The following PARM1 variants were observed in gnomAD, a reference collection of about 807,000 sequenced individuals.
The protein encoded by PARM1 is prostate androgen-regulated mucin-like protein 1.
In PARM1, 14 loss-of-function variants were observed where a neutral mutation model predicts 24.6. The observed-to-expected ratio is 0.57, with a 90% CI of 0.38 to 0.89. PARM1 has a LOEUF of 0.89. PARM1 is among the 40% of genes least tolerant of loss of function. The probability of loss-of-function intolerance (pLI) is 0.00; values close to 1 mark genes in which losing one functional copy is unlikely to be tolerated. For missense variants in PARM1, 362 were observed against 380.4 expected, an observed-to-expected ratio of 0.95 and a Z score of 0.40; for synonymous variants, 179 against 156.6, an observed-to-expected ratio of 1.14 and a Z score of -1.07.
chr4:75,026,782 A>G (rs999401888), intron 2 of PARM1, among the ~76,000 whole-genome samples: 2 of 152,208 alleles, frequency 1.3e-5, no homozygotes, highest in African/African-American at 4.8e-5. Context: ...CGAATCCATA[A>G]AATGAAGACA....
intron 1 of PARM1, among the ~76,000 whole-genome samples, chr4:74,983,087 T>C (rs1722289702): frequency 6.6e-6 from 1 of 152,132 alleles, no homozygotes; most frequent in Non-Finnish European, 1.5e-5. Context: ...TATACTAAGT[T>C]AGAGGGAAAA....
intron 1 of PARM1, among the ~76,000 whole-genome samples, chr4:74,986,603 A>G (rs909440505): frequency 1.3e-5 from 2 of 152,196 alleles, no homozygotes; most frequent in Non-Finnish European, 2.9e-5. Context: ...CAGCAATGAG[A>G]GCACATACAC....
intron 3 of PARM1, 126 bp from the exon 4 acceptor site, chr4:75,046,037 T>A (rs1723594427): frequency 1.6e-6 from 1 of 642,126 alleles, no homozygotes; most frequent in African/African-American, 1.8e-5. Flanking sequence ...GCTGTCCTAG[T>A]GAGAGCGTCA....
rs568735401 is a variant in PARM1 at position 75,005,167 on chromosome 4, A to G, written c.44-7258A>G. 6.2e-4 allele frequency among the ~76,000 whole-genome samples: 94 copies of G among 152,330 alleles called. No homozygotes were observed. The Middle Eastern group carries it at 0.01, about 17-fold the overall frequency. ...ACAGGTGGAGAAACTGGTAGCAATT[A>G]CTCAGCACACAGACCTTCAGCAGCT... On this transcript the variant is annotated intron_variant, in intron 1 of 3. Coordinates refer to ENST00000307428, the MANE Select transcript of PARM1 (RefSeq NM_015393.4).
At chr4:74,959,227 T>C (rs1007707570) in intron 1 of PARM1, among the ~76,000 whole-genome samples, 1 of 152,206 alleles carries the variant, frequency 6.6e-6, no homozygotes, top group African/African-American at 2.4e-5. Context: ...CTGTGAAAGA[T>C]GTTAGAAATT....
In PARM1 at chr4:75,046,505, A is replaced by C; in HGVS notation, c.*258A>C. ...AGCCTTGCACCAGCCAGGCCAGACC[A>C]CCATGGTGAAGGCTTCTTTCCCCAC... On this transcript the variant is annotated 3_prime_UTR_variant, in exon 4 of 4. Coordinates refer to ENST00000307428, the MANE Select transcript of PARM1 (RefSeq NM_015393.4). 1 of 356,120 alleles carries C rather than the reference A, an allele frequency of 2.8e-6. No individual in the cohort carries two copies. Among genetic ancestry groups the C allele is most frequent in the South Asian group, 3.7e-5 (1 of 27,036 alleles). 22.1% of individuals were successfully genotyped at this position (356,120 alleles called of 1,614,324 possible).
intron 3 of PARM1, among the ~76,000 whole-genome samples, chr4:75,040,075 G>C (rs944609241): frequency 6.6e-6 from 1 of 152,164 alleles, no homozygotes; most frequent in African/African-American, 2.4e-5. Context: ...AGTACCTGAC[G>C]TATAGTAGTT....
intron 1 of PARM1, among the ~76,000 whole-genome samples, chr4:74,946,317 G>A (rs1463354730): frequency 6.6e-6 from 1 of 152,150 alleles, no homozygotes; most frequent in East Asian, 1.9e-4. Flanking sequence ...GTAGTCTCTA[G>A]AATTTTTCCC....
chr4:75,036,402 C>T (rs1233210232), intron 3 of PARM1, among the ~76,000 whole-genome samples: 1 of 152,212 alleles, frequency 6.6e-6, no homozygotes, highest in African/African-American at 2.4e-5. Flanking sequence ...CTACTTCCAG[C>T]ACTGTGACCT....
chr4:74,942,965 T>C (rs1334396417), intron 1 of PARM1, among the ~76,000 whole-genome samples: 1 of 152,128 alleles, frequency 6.6e-6, no homozygotes, highest in Admixed American at 6.5e-5. Flanking sequence ...TCTTCTACAC[T>C]CTTCTTTGCT....
chr4:75,020,492 TC>T (rs34039245), intron 2 of PARM1, among the ~76,000 whole-genome samples: 15,412 of 141,558 alleles, frequency 0.11, 1,027 homozygotes, highest in African/African-American at 0.2. Context: ...GCCCCTCATT[TC>T]CCCCCCCCCG....
At chr4:74,985,892 C>A (rs933733047) in intron 1 of PARM1, among the ~76,000 whole-genome samples, 6 of 152,162 alleles carry the variant, frequency 3.9e-5, no homozygotes, top group African/African-American at 1.4e-4. Context: ...CCTCAGCCTC[C>A]TGAGTAGCTG....
chr4:74,997,318 T>A (rs1393970989), intron 1 of PARM1, among the ~76,000 whole-genome samples: 2 of 152,232 alleles, frequency 1.3e-5, no homozygotes, highest in Non-Finnish European at 2.9e-5. Flanking sequence ...CACATTTGGC[T>A]GGACAGAAAA....
chr4:75,013,169 C>A lies in PARM1; in HGVS notation c.769+19C>A. 1 of 1,588,834 alleles carries A rather than the reference C, an allele frequency of 6.3e-7. No individual in the cohort carries two copies. On this transcript the variant is annotated intron_variant, in intron 2 of 3. Coordinates refer to ENST00000307428, the MANE Select transcript of PARM1 (RefSeq NM_015393.4). The stretch of plus-strand genomic sequence containing the variant: ...AGTTCAGGTGAGTCTCTATCCAGTC[C>A]ACTAGTTTTCTTTACTACACCCTCA...
chr4:75,012,716 C>T lies in PARM1; in HGVS notation c.335C>T (p.Thr112Ile). 1.2e-6 allele frequency: 2 copies of T among 1,613,992 alleles called. No homozygotes were observed. The highest frequency in any genetic ancestry group is 2.7e-5 in the African/African-American group (2 of 75,030). The part of the protein sequence containing the change: ...TDPSPSGFSS[T>I]SGGVHLTTTL... ...CCCTCACCTTCTGGGTTCTCGTCAACAAGCGGTGGAGTCCACTTAACAACC... is the reference window on the plus strand; with the variant it reads ...CCCTCACCTTCTGGGTTCTCGTCAATAAGCGGTGGAGTCCACTTAACAACC... Residue 112 changes from threonine (T) to isoleucine (I), a missense_variant, in exon 2 of 4, where the codon ACA becomes ATA. Transcript: ENST00000307428.
chr4:74,978,948 G>A lies in PARM1; in HGVS notation c.44-33477G>A, dbSNP rs141286966. ...GACAATGTACCAGAATCTTTGGGATGCAGCTAAAGCAGTGTTAGGAGGGAA... is the reference window on the plus strand; with the variant it reads ...GACAATGTACCAGAATCTTTGGGATACAGCTAAAGCAGTGTTAGGAGGGAA... On this transcript the variant is annotated intron_variant, in intron 1 of 3. Coordinates refer to ENST00000307428, the MANE Select transcript of PARM1 (RefSeq NM_015393.4). 1.1e-4 allele frequency among the ~76,000 whole-genome samples: 17 copies of A among 152,228 alleles called. No homozygotes were observed. The East Asian group carries it at 3.3e-3, about 29-fold the overall frequency.
At chr4:75,043,251 A>G (rs564118964) in intron 3 of PARM1, among the ~76,000 whole-genome samples, 1 of 152,192 alleles carries the variant, frequency 6.6e-6, no homozygotes, top group Non-Finnish European at 1.5e-5. Flanking sequence ...TTTTCATTCA[A>G]TGACATTTTT....
At chr4:74,986,642 A>T (rs1339271410) in intron 1 of PARM1, among the ~76,000 whole-genome samples, 1 of 152,204 alleles carries the variant, frequency 6.6e-6, no homozygotes, top group Admixed American at 6.5e-5. Flanking sequence ...GCTAAGTCCA[A>T]CACAAGGGGG....
At chr4:75,006,476 CT>C (rs371442092) in intron 1 of PARM1, among the ~76,000 whole-genome samples, 2,133 of 152,178 alleles carry the variant, frequency 0.014, 54 homozygotes, top group African/African-American at 0.049. Context: ...ATGAACTCAT[CT>C]TTTTTTATGG....
Sources: gnomAD v4.1 joint callset for allele counts (sites outside exome capture counted in the v4.1 genomes callset) on GRCh38, gnomAD v4.1.1 for gene constraint, MANE v1.5 for transcripts, NCBI Gene and HGNC (gene_info 2026-07-23, HGNC 2026-07-21) for gene names.